The following REEP6 variants were observed in gnomAD, a reference collection of about 807,000 sequenced individuals.
REEP6 encodes the protein receptor accessory protein 6, also known as receptor expression-enhancing protein 6.
Under a neutral mutation model 22.4 loss-of-function variants are expected in REEP6, and 19 were observed. The ratio of observed to expected loss-of-function variants is 0.85; its 90% confidence interval spans 0.59 to 1.25. The LOEUF (loss-of-function observed/expected upper bound fraction) is 1.25. Ranked by LOEUF, REEP6 falls within the 50% of genes most tolerant of loss-of-function variation. The pLI, the probability that REEP6 is intolerant of heterozygous loss-of-function variation, is 0.00. For synonymous variants in REEP6, 121 were observed against 113.6 expected (o/e 1.06, Z -0.41); for missense variants, 273 against 251.9 (o/e 1.08, Z -0.57).
At position 1,491,631 on chromosome 19, in the gene REEP6, G is replaced by A. The variant is rs1175372310; in HGVS notation, c.115+247G>A. Among the ~76,000 whole-genome samples, 1 of 152,248 alleles carries A rather than the reference G, an allele frequency of 6.6e-6. No homozygotes were observed. The highest frequency in any genetic ancestry group is 1.5e-5 in the Non-Finnish European group (1 of 68,040). On this transcript the variant is annotated intron_variant, in intron 1 of 4. Transcript: ENST00000233596. This position sits in a 1 kb window ranked among gnomAD's most constrained non-coding sequence, Gnocchi z 5.4. ...CGACGCCTCCTTCCGGGCGCTGGGT[G>A]CCTGCCATGCCGAAGTCCGGTTCTT...
chr19:1,496,627 C>T (rs1314966233), intron 4 of REEP6, 174 bp downstream of exon 4: 6 of 879,498 alleles, frequency 6.8e-6, no homozygotes, highest in Non-Finnish European at 1.1e-5. Flanking sequence ...GCAGGCATCA[C>T]CCCGGTGGCT....
intron 4 of REEP6, among the ~76,000 whole-genome samples, chr19:1,496,936 G>T (rs573402668): frequency 2.8e-4 from 43 of 152,256 alleles, no homozygotes; most frequent in African/African-American, 9.6e-4. Context: ...GTGACCATGT[G>T]TGCACGTGTG....
chr19:1,495,671 C>T lies in REEP6; in HGVS notation c.348+64C>T, dbSNP rs2668411. 18,636 of 1,603,528 alleles carry T rather than the reference C, an allele frequency of 0.012. 1,917 individuals are homozygous for T. In the African/African-American group the frequency reaches 0.22, roughly 19 times the overall value. On this transcript the variant is annotated intron_variant, in intron 3 of 4. Coordinates refer to ENST00000233596, the MANE Select transcript of REEP6 (RefSeq NM_138393.4). ...GGGGCTTGGGGATTCCTGGGAGGCG[C>T]TGGGGCCAGAAAGTCCGGAGGATAC...
In REEP6 at chr19:1,492,745, A is replaced by G. The variant is rs953164909; in HGVS notation, c.115+1361A>G. Among the ~76,000 whole-genome samples, 5 of 146,732 alleles carry G rather than the reference A, an allele frequency of 3.4e-5. No homozygotes were observed. The East Asian group carries it at 5.8e-4, about 17-fold the overall frequency. ...ATCCCAGGAGTCCAGTTCCCCCCCA[A>G]TTTTCCCACCATCTGGGGGTTCCCA... On this transcript the variant is annotated intron_variant, in intron 1 of 4. Transcript: ENST00000233596.
chr19:1,491,517 C>G lies in REEP6; in HGVS notation c.115+133C>G, dbSNP rs551167978. On this transcript the variant is annotated intron_variant, in intron 1 of 4. Coordinates refer to ENST00000233596, the MANE Select transcript of REEP6 (RefSeq NM_138393.4). This position sits in a 1 kb window ranked among gnomAD's most constrained non-coding sequence, Gnocchi z 5.4. The stretch of plus-strand genomic sequence containing the variant: ...GGAGCGCGCGAGGTGACTGGGACCT[C>G]GAGGTCCGCCCGCAGCCCTTCCCTT... 2 of 520,494 alleles carry G rather than the reference C, an allele frequency of 3.8e-6. No homozygotes were observed. Among genetic ancestry groups the G allele is most frequent in the African/African-American group, 4.0e-5 (2 of 50,248 alleles). 32.2% of individuals were successfully genotyped at this position (520,494 alleles called of 1,614,324 possible). A position where few individuals can be genotyped will look rare whatever the true frequency, so the allele number is the denominator to read the frequency against.
At position 1,497,849 on chromosome 19, in the gene REEP6, GC is replaced by G. The variant is rs1257612266; in HGVS notation, c.*643del. ...TCACCTGCAGCTGGCCACACCACAG[GC>G]CCCCGTGCCTGCAGCACTACTGGTG... On this transcript the variant is annotated 3_prime_UTR_variant, in exon 5 of 5. Transcript: ENST00000233596. This position sits in a 1 kb window ranked among gnomAD's most constrained non-coding sequence, Gnocchi z 6.5. The G allele has an allele frequency of 4.3e-6, 2 of 470,346 alleles. No homozygotes were observed. Among genetic ancestry groups the G allele is most frequent in the Non-Finnish European group, 8.8e-6 (2 of 226,730 alleles). 29.1% of individuals were successfully genotyped at this position (470,346 alleles called of 1,614,324 possible). A position where few individuals can be genotyped will look rare whatever the true frequency, so the allele number is the denominator to read the frequency against.
chr19:1,496,178 C>A lies in REEP6; in HGVS notation c.349-107C>A. On this transcript the variant is annotated intron_variant, in intron 3 of 4. Transcript: ENST00000233596. The stretch of plus-strand genomic sequence containing the variant: ...CCTAAAGGGTGTCTGATGGTGGAGA[C>A]CCAGTGCCTGTCCAGGATGGGCATC... 4 of 1,342,848 alleles carry A rather than the reference C, an allele frequency of 3.0e-6. No individual in the cohort carries two copies. In the South Asian group the frequency reaches 5.7e-5, roughly 19 times the overall value. 83.2% of individuals were successfully genotyped at this position (1,342,848 alleles called of 1,614,324 possible). A position where few individuals can be genotyped will look rare whatever the true frequency, so the allele number is the denominator to read the frequency against.
chr19:1,492,583 G>T (rs1288034417), intron 1 of REEP6, among the ~76,000 whole-genome samples: 1 of 152,114 alleles, frequency 6.6e-6, no homozygotes, highest in Non-Finnish European at 1.5e-5. Context: ...TCTTCCGTTT[G>T]TGTGGTGCTC....
At chr19:1,496,813 A>G in intron 4 of REEP6, 1 of 586,204 alleles carries the variant, frequency 1.7e-6, no homozygotes, top group Non-Finnish European at 3.1e-6. Context: ...GTGCGTGTGC[A>G]TGGGCTCAAG....
chr19:1,497,144 G>GGCCCCCCCCCCCCC lies in REEP6; in HGVS notation c.518-30_518-29insGCCCCCCCCCCCCC. 7.5e-7 allele frequency: 1 copy of GGCCCCCCCCCCCCC among 1,328,126 alleles called. No homozygotes were observed. The highest frequency in any genetic ancestry group is 1.0e-6 in the Non-Finnish European group (1 of 992,336). 82.3% of individuals were successfully genotyped at this position (1,328,126 alleles called of 1,614,324 possible). ...CCGGGGAGCCCAGGCCTGCCTCACG[G>GGCCCCCCCCCCCCC]CCCTCCCCCACCCGCCCCTCTCTCT... On this transcript the variant is annotated intron_variant, in intron 4 of 4. Transcript: ENST00000233596. The surrounding 1 kb of genome is among the most constrained non-coding windows in gnomAD (Gnocchi z 6.5).
intron 1 of REEP6, among the ~76,000 whole-genome samples, chr19:1,494,976 G>T (rs539613951): frequency 6.6e-6 from 1 of 152,154 alleles, no homozygotes; most frequent in African/African-American, 2.4e-5. Context: ...GAGCCACCGC[G>T]CCCGGCTGCA....
rs1386891500 is a variant in REEP6 at position 1,495,598 on chromosome 19, C to T, written c.339C>T (p.Tyr113=). ...DLLLSWFPFY[Y]VGKCAFLLFC... is the part of the protein sequence containing the mutation. ...TCCTGTCCTGGTTCCCTTTCTACTA[C>T]GTGGGCAAGGTGGGCCCTGCCAGGG... The change falls in exon 3 of 5, where the codon TAC becomes TAT. Residue 113 remains tyrosine, a synonymous_variant. Transcript: ENST00000233596. 5.0e-6 allele frequency: 8 copies of T among 1,614,042 alleles called. No individual in the cohort carries two copies. Among genetic ancestry groups the T allele is most frequent in the Middle Eastern group, 1.7e-4 (1 of 6,060 alleles).
intron 1 of REEP6, among the ~76,000 whole-genome samples, chr19:1,494,282 C>T (rs545499269): frequency 1.8e-4 from 27 of 152,244 alleles, no homozygotes; most frequent in African/African-American, 5.8e-4. Flanking sequence ...GGGTTTGCTG[C>T]CTCCAAGACA....
chr19:1,496,699 G>T, intron 4 of REEP6: 1 of 687,372 alleles, frequency 1.5e-6, no homozygotes, highest in East Asian at 2.8e-5. Flanking sequence ...GGAGATAGGA[G>T]CTGTGTGTGT....
At chr19:1,495,728 G>C (rs760919663) in intron 3 of REEP6, 121 bp downstream of exon 3, 1 of 1,381,286 alleles carries the variant, frequency 7.2e-7, no homozygotes, top group Non-Finnish European at 9.9e-7. Context: ...GGAAGACTCA[G>C]TCCCTTCCCT....
chr19:1,491,958 A>T lies in REEP6; in HGVS notation c.115+574A>T, dbSNP rs559340399. 1.6e-4 allele frequency among the ~76,000 whole-genome samples: 24 copies of T among 152,156 alleles called. No individual in the cohort carries two copies. Among genetic ancestry groups the T allele is most frequent in the Admixed American group, 7.2e-4 (11 of 15,286 alleles). On this transcript the variant is annotated intron_variant, in intron 1 of 4. Transcript: ENST00000233596. This position sits in a 1 kb window ranked among gnomAD's most constrained non-coding sequence, Gnocchi z 5.4. ...GACGGCTGTGATGTGGGGAGGCTGG[A>T]CTGGGGCCCACAGAGCCGGAGATCC...
chr19:1,496,543 C>A, intron 4 of REEP6, 90 bp downstream of exon 4: 1 of 1,437,088 alleles, frequency 7.0e-7, no homozygotes, highest in Non-Finnish European at 9.6e-7. Flanking sequence ...TGACTTTGGC[C>A]GCCCCCTCTC....
rs144847626 is a variant in REEP6, at chr19:1,494,974, G to A, written c.116-320G>A. Among the ~76,000 whole-genome samples, 1,087 of 152,236 alleles carry A rather than the reference G, an allele frequency of 7.1e-3. 8 individuals are homozygous for A. Among genetic ancestry groups the A allele is most frequent in the African/African-American group, 0.024 (996 of 41,542 alleles). ...GCTGGGGTTACAGGTGTGAGCCACC[G>A]CGCCCGGCTGCAAACACTTCACTGG... On this transcript the variant is annotated intron_variant, in intron 1 of 4. Transcript: ENST00000233596.
chr19:1,496,656 C>T (rs775202282), intron 4 of REEP6: 2 of 746,076 alleles, frequency 2.7e-6, no homozygotes, highest in Non-Finnish European at 4.9e-6. Flanking sequence ...GCCCTCCACT[C>T]CCCTGGAAGC....
Sources: gnomAD v4.1 joint callset for allele counts (sites outside exome capture counted in the v4.1 genomes callset) on GRCh38, gnomAD v4.1.1 for gene constraint, Gnocchi (gnomAD v3.1) non-coding constraint, MANE v1.5 for transcripts, NCBI Gene and HGNC (gene_info 2026-07-23, HGNC 2026-07-21) for gene names.